TTC33: variants seen among roughly 807,000 people sequenced by gnomAD.
The protein encoded by TTC33 is tetratricopeptide repeat protein 33.
A neutral mutation model predicts 29.4 loss-of-function variants in TTC33; 24 were observed. The ratio of observed to expected loss-of-function variants is 0.82; its 90% CI spans 0.59 to 1.15. TTC33 has a LOEUF of 1.15. TTC33 is among the 50% of genes most tolerant of loss of function. The pLI, the probability that TTC33 is intolerant of heterozygous loss-of-function variation, is 0.00. For synonymous variants in TTC33, 107 were observed against 100.3 expected (o/e 1.07, Z -0.40); for missense variants, 286 against 310.4 (o/e 0.92, Z 0.59).
At chr5:40,738,248 C>T (rs1742598041) in intron 2 of TTC33, among the ~76,000 whole-genome samples, 1 of 151,636 alleles carries the variant, frequency 6.6e-6, no homozygotes, top group Non-Finnish European at 1.5e-5. Flanking sequence ...CCTGTCTCTA[C>T]TAAAAATTCA....
chr5:40,712,382 A>AT lies in TTC33; in HGVS notation c.*3762dup, dbSNP rs1300922209. ...GTCTTTGTTAAAGTTTGAGGGAGTC[A>AT]TAAAATAATGTCCCTCTCCTCTCCT... On this transcript the variant is annotated 3_prime_UTR_variant, in exon 5 of 5. Coordinates refer to ENST00000337702, the MANE Select transcript of TTC33 (RefSeq NM_012382.3). Among the ~76,000 whole-genome samples the AT allele has an allele frequency of 6.6e-6, 1 of 152,186 alleles. No homozygotes were observed. Among genetic ancestry groups the AT allele is most frequent in the Non-Finnish European group, 1.5e-5 (1 of 68,012 alleles).
intron 2 of TTC33, among the ~76,000 whole-genome samples, chr5:40,743,671 G>A (rs1005674895): frequency 2.6e-5 from 4 of 152,144 alleles, no homozygotes; most frequent in African/African-American, 4.8e-5. Flanking sequence ...TACCTGGGAG[G>A]CTGAGGCAGG....
At chr5:40,735,367 T>C (rs560264237) in intron 2 of TTC33, among the ~76,000 whole-genome samples, 2 of 152,046 alleles carry the variant, frequency 1.3e-5, no homozygotes, top group East Asian at 3.9e-4. Context: ...TAGATAAGGA[T>C]AGAAGTGAAA....
intron 1 of TTC33, among the ~76,000 whole-genome samples, chr5:40,750,485 G>A (rs528856830): frequency 3.4e-4 from 51 of 152,112 alleles, no homozygotes; most frequent in Middle Eastern, 3.4e-3. Context: ...CTGAGCCCAG[G>A]AGGTTAAGGC....
intron 1 of TTC33, among the ~76,000 whole-genome samples, chr5:40,753,417 T>A (rs1171794926): frequency 2.0e-5 from 3 of 151,690 alleles, no homozygotes; most frequent in Non-Finnish European, 4.4e-5. Flanking sequence ...GCTGATAATA[T>A]AAGTGAACCA....
At chr5:40,726,833 G>T (rs904329796) in intron 4 of TTC33, among the ~76,000 whole-genome samples, 14 of 151,986 alleles carry the variant, frequency 9.2e-5, no homozygotes, top group Non-Finnish European at 1.2e-4. Flanking sequence ...AATAAGGGAG[G>T]CAAGGAAAAA....
At chr5:40,717,229 C>CAAAAAAA (rs35359209) in intron 4 of TTC33, among the ~76,000 whole-genome samples, 2 of 108,898 alleles carry the variant, frequency 1.8e-5, no homozygotes, top group Admixed American at 1.0e-4. Flanking sequence ...AACTCCATCT[C>CAAAAAAA]AAAAAAAAAA....
At chr5:40,755,436 C>G (rs1256129892) in intron 1 of TTC33, among the ~76,000 whole-genome samples, 1 of 152,244 alleles carries the variant, frequency 6.6e-6, no homozygotes, top group Non-Finnish European at 1.5e-5. Context: ...AAGGCTGCCC[C>G]GGACGTCACC....
chr5:40,736,743 T>C (rs150614014), intron 2 of TTC33, among the ~76,000 whole-genome samples: 1 of 152,192 alleles, frequency 6.6e-6, no homozygotes, highest in Non-Finnish European at 1.5e-5. Flanking sequence ...TCCTCCAAAA[T>C]TCTATAAGAT....
chr5:40,738,438 A>AC (rs1329067664), intron 2 of TTC33, among the ~76,000 whole-genome samples: 10 of 76,440 alleles, frequency 1.3e-4, no homozygotes, highest in Admixed American at 1.6e-4. Flanking sequence ...AATAAAATAT[A>AC]AAATAAAATA....
chr5:40,717,774 A>C (rs1742033267), intron 4 of TTC33, among the ~76,000 whole-genome samples: 1 of 152,220 alleles, frequency 6.6e-6, no homozygotes, highest in Non-Finnish European at 1.5e-5. Flanking sequence ...TTAAGATTGC[A>C]CTTAATCGGC....
chr5:40,743,292 G>A lies in TTC33; in HGVS notation c.221+3506C>T, dbSNP rs1376524803. Among the ~76,000 whole-genome samples, 3 of 152,156 alleles carry A rather than the reference G, an allele frequency of 2.0e-5. No homozygotes were observed. The East Asian group carries it at 5.8e-4, about 29-fold the overall frequency. ...ACCAGAGAAAAAAGGTTTTCAGACA[G>A]AGTCATAGCACAAAGTTGTATAATA... On this transcript the variant is annotated intron_variant, in intron 2 of 4. Coordinates refer to ENST00000337702, the MANE Select transcript of TTC33 (RefSeq NM_012382.3).
rs1439275531 is a variant in TTC33 at position 40,712,820 on chromosome 5, C to G, written c.*3325G>C. On this transcript the variant is annotated 3_prime_UTR_variant, in exon 5 of 5. Transcript: ENST00000337702. ...CACTGTGAGAGGAAGCCATCCTTACCCGCCGCTGCCTTCTGACCAAAGTAG... is the reference window on the plus strand; with the variant it reads ...CACTGTGAGAGGAAGCCATCCTTACGCGCCGCTGCCTTCTGACCAAAGTAG... Among the ~76,000 whole-genome samples the G allele has an allele frequency of 2.0e-5, 3 of 152,128 alleles. No individual in the cohort carries two copies. Among genetic ancestry groups the G allele is most frequent in the African/African-American group, 7.2e-5 (3 of 41,432 alleles).
intron 2 of TTC33, among the ~76,000 whole-genome samples, chr5:40,744,513 A>C (rs892353281): frequency 2.0e-5 from 3 of 149,684 alleles, no homozygotes; most frequent in African/African-American, 7.4e-5. Context: ...TTTAAGGAAC[A>C]AAGAAAAAAG....
intron 4 of TTC33, among the ~76,000 whole-genome samples, chr5:40,726,629 T>C (rs1742295098): frequency 6.7e-6 from 1 of 150,360 alleles, no homozygotes; most frequent in African/African-American, 2.4e-5. Context: ...AAAAAAAAAG[T>C]CGAACTGGTA....
At chr5:40,739,231 C>A (rs1443122778) in intron 2 of TTC33, among the ~76,000 whole-genome samples, 1 of 152,172 alleles carries the variant, frequency 6.6e-6, no homozygotes, top group Non-Finnish European at 1.5e-5. Flanking sequence ...TTTGGCTAGT[C>A]TAGATTCTTT....
At chr5:40,725,838 T>G (rs984820669) in intron 4 of TTC33, among the ~76,000 whole-genome samples, 1 of 147,874 alleles carries the variant, frequency 6.8e-6, no homozygotes, top group African/African-American at 2.5e-5. Context: ...CAGGCTGGAG[T>G]GCAGTGGCGC....
chr5:40,735,428 C>T (rs550279115), intron 2 of TTC33, among the ~76,000 whole-genome samples: 177 of 152,150 alleles, frequency 1.2e-3, no homozygotes, highest in Middle Eastern at 6.8e-3. Flanking sequence ...ACAGTTGGCT[C>T]AACTTGGACT....
At position 40,746,854 on chromosome 5, in the gene TTC33, A is replaced by G; in HGVS notation, c.165T>C (p.Cys55=). 6.2e-7 allele frequency: 1 copy of G among 1,614,076 alleles called. No homozygotes were observed. The highest frequency in any genetic ancestry group is 2.2e-5 in the East Asian group (1 of 44,874). ...CCTTCAGCTGTTTACTTTTCTCAGCACAGCCTTCAAGAAGAATTTCTTTCC... is the reference window on the plus strand; with the variant it reads ...CCTTCAGCTGTTTACTTTTCTCAGCGCAGCCTTCAAGAAGAATTTCTTTCC... ...KRRKEILLEG[C]AEKSKQLKDE... Residue 55 remains cysteine (C), a synonymous_variant, in exon 2 of 5, where the codon TGT becomes TGC. Coordinates refer to ENST00000337702, the MANE Select transcript of TTC33 (RefSeq NM_012382.3).
Sources: gnomAD v4.1 joint callset for allele counts (sites outside exome capture counted in the v4.1 genomes callset) on GRCh38, gnomAD v4.1.1 for gene constraint, MANE v1.5 for transcripts, NCBI Gene and HGNC (gene_info 2026-07-23, HGNC 2026-07-21) for gene names.